The following KIRREL3 variants were observed in gnomAD, a reference collection of about 807,000 sequenced individuals.
The protein encoded by KIRREL3 is kin of IRRE-like protein 3.
A neutral mutation model predicts 89.7 loss-of-function variants in KIRREL3; 36 were observed. The ratio of observed to expected loss-of-function variants is 0.40; its 90% CI spans 0.31 to 0.53. KIRREL3 has a LOEUF of 0.53. Ranked by LOEUF, KIRREL3 falls within the 20% of genes least tolerant of loss-of-function variation. The probability of loss-of-function intolerance (pLI) is 0.49; values close to 1 mark genes in which losing one functional copy is unlikely to be tolerated. For synonymous variants in KIRREL3, 445 were observed against 441.4 expected, an observed-to-expected ratio of 1.01 and a Z score of -0.10; for missense variants, 864 against 1,056.6, an observed-to-expected ratio of 0.82 and a Z score of 2.53.
Position 126,883,185 on chromosome 11 carries a change from C to T in KIRREL3, c.55+117270G>A, listed in dbSNP as rs115009373. On this transcript the variant is annotated intron_variant, in intron 1 of 16. Coordinates refer to ENST00000525144, the MANE Select transcript of KIRREL3 (RefSeq NM_032531.4). This position sits in a 1 kb window ranked among gnomAD's most constrained non-coding sequence, Gnocchi z 4.1. ...AATCTGGAGCCTAACTCCTTGGCAGCTGAGCAGGAGACAGGAGGATCATCA... is the reference window on the plus strand; with the variant it reads ...AATCTGGAGCCTAACTCCTTGGCAGTTGAGCAGGAGACAGGAGGATCATCA... Among the ~76,000 whole-genome samples the T allele has an allele frequency of 2.0e-3, 305 of 152,260 alleles. 2 individuals carry two copies. The highest frequency in any genetic ancestry group is 6.9e-3 in the African/African-American group (286 of 41,560).
At chr11:127,003,153 T>C (rs1209022978), upstream of KIRREL3, 2 of 150,546 alleles carry the variant, frequency 1.3e-5, no homozygotes, top group African/African-American at 4.9e-5. Flanking sequence ...AGTGATGAGC[T>C]GCCCGCCTCT....
Position 126,719,468 on chromosome 11 carries a change from G to C in KIRREL3, c.56-156556C>G, listed in dbSNP as rs2134165958. On this transcript the variant is annotated intron_variant, in intron 1 of 16. Coordinates refer to ENST00000525144, the MANE Select transcript of KIRREL3 (RefSeq NM_032531.4). This position sits in a 1 kb window ranked among gnomAD's most constrained non-coding sequence, Gnocchi z 4.7. ...CCGAGCTGTCTACATTCACTGCCTAGGTGATCTTACTTAGTCCCATGGCTT... is the reference window on the plus strand; with the variant it reads ...CCGAGCTGTCTACATTCACTGCCTACGTGATCTTACTTAGTCCCATGGCTT... Among the ~76,000 whole-genome samples the C allele has an allele frequency of 6.6e-6, 1 of 152,270 alleles. No homozygotes were observed. The highest frequency in any genetic ancestry group is 1.9e-4 in the East Asian group (1 of 5,180).
chr11:126,793,072 T>C (rs1321895760), intron 1 of KIRREL3, among the ~76,000 whole-genome samples: 1 of 152,168 alleles, frequency 6.6e-6, no homozygotes, highest in Non-Finnish European at 1.5e-5. Flanking sequence ...GTGTTCACTA[T>C]CTCACATGTG....
Position 126,782,406 on chromosome 11 carries a change from G to C in KIRREL3, c.55+218049C>G, listed in dbSNP as rs1950354773. 6.6e-6 allele frequency among the ~76,000 whole-genome samples: 1 copy of C among 152,218 alleles called. No homozygotes were observed. The highest frequency in any genetic ancestry group is 2.1e-4 in the South Asian group (1 of 4,834). ...TAACTGATAGCAGTTCCCTTTGTGA[G>C]ACTAGGTTTGGGTATTAGAGAAGAC... On this transcript the variant is annotated intron_variant, in intron 1 of 16. Transcript: ENST00000525144. This position sits in a 1 kb window ranked among gnomAD's most constrained non-coding sequence, Gnocchi z 4.1.
At chr11:126,938,412 T>C (rs1948296964) in intron 1 of KIRREL3, among the ~76,000 whole-genome samples, 1 of 152,194 alleles carries the variant, frequency 6.6e-6, no homozygotes, top group Non-Finnish European at 1.5e-5. Context: ...ATCTCTATTT[T>C]ATGGATGAGC....
chr11:126,436,553 A>T (rs564155952), intron 12 of KIRREL3, among the ~76,000 whole-genome samples: 168 of 152,358 alleles, frequency 1.1e-3, no homozygotes, highest in Middle Eastern at 3.4e-3. Flanking sequence ...CCACTGAAGC[A>T]TCGCCCTCAA....
chr11:126,634,123 T>C (rs1944166095), intron 1 of KIRREL3, among the ~76,000 whole-genome samples: 1 of 152,156 alleles, frequency 6.6e-6, no homozygotes, highest in Non-Finnish European at 1.5e-5. Context: ...TTTTCTGGGG[T>C]GATCCAGTGT....
rs374193099 is a variant in KIRREL3 at position 126,456,305 on chromosome 11, G to A, written c.848+44C>T. On this transcript the variant is annotated intron_variant, in intron 7 of 16. Transcript: ENST00000525144. ...CATCCCACGTGAGAGGCACGGGGGT[G>A]GGGGCCAGTGGCCAGGCCGGGCCCC... is the stretch of plus-strand genomic sequence containing the variant. The A allele has an allele frequency of 2.3e-5, 31 of 1,341,672 alleles. No individual in the cohort carries two copies. The African/African-American group carries it at 3.2e-4, about 14-fold the overall frequency. 83.1% of individuals were successfully genotyped at this position (1,341,672 alleles called of 1,614,324 possible).
At position 126,682,136 on chromosome 11, in the gene KIRREL3, G is replaced by A; in HGVS notation, c.56-119224C>T. 1 of 332,730 alleles carries A rather than the reference G, an allele frequency of 3.0e-6. No homozygotes were observed. The allele number at this position is 332,730 out of a possible 1,614,324, so 20.6% of individuals were successfully genotyped here. ...AAAAGGTCATATTTAGGACCTGGGT[G>A]AAGGAAGAGTGGGCATCACAGAGCT... On this transcript the variant is annotated intron_variant, in intron 1 of 16. Coordinates refer to ENST00000525144, the MANE Select transcript of KIRREL3 (RefSeq NM_032531.4). This position sits in a 1 kb window ranked among gnomAD's most constrained non-coding sequence, Gnocchi z 4.8.
At chr11:126,743,055 G>T (rs1015882784) in intron 1 of KIRREL3, among the ~76,000 whole-genome samples, 3 of 152,208 alleles carry the variant, frequency 2.0e-5, no homozygotes, top group Non-Finnish European at 4.4e-5. Context: ...ACCAATTTAA[G>T]ATTCCCTTAG....
At position 126,750,595 on chromosome 11, in the gene KIRREL3, G is replaced by A. The variant is rs1949302864; in HGVS notation, c.56-187683C>T. 6.6e-6 allele frequency among the ~76,000 whole-genome samples: 1 copy of A among 152,342 alleles called. No individual in the cohort carries two copies. Among genetic ancestry groups the A allele is most frequent in the African/African-American group, 2.4e-5 (1 of 41,576 alleles). ...TGTGGCTAGTGGTAAAGCTTCTACA[G>A]AACTGTTTAGTGGGAAAGAATCAAC... On this transcript the variant is annotated intron_variant, in intron 1 of 16. Coordinates refer to ENST00000525144, the MANE Select transcript of KIRREL3 (RefSeq NM_032531.4). The surrounding 1 kb of genome is among the most constrained non-coding windows in gnomAD (Gnocchi z 4.2).
At position 126,535,316 on chromosome 11, in the gene KIRREL3, C is replaced by T. The variant is rs969077377; in HGVS notation, c.134-8629G>A. On this transcript the variant is annotated intron_variant, in intron 2 of 16. Coordinates refer to ENST00000525144, the MANE Select transcript of KIRREL3 (RefSeq NM_032531.4). The surrounding 1 kb of genome is among the most constrained non-coding windows in gnomAD (Gnocchi z 4.5). ...TCATCTTAATCTCTTTTCTGGGACT[C>T]GCAGCACACATTATCACGGAATGAA... 4.6e-5 allele frequency among the ~76,000 whole-genome samples: 7 copies of T among 152,272 alleles called. No homozygotes were observed. In the East Asian group the frequency reaches 9.6e-4, roughly 21 times the overall value.
intron 1 of KIRREL3, among the ~76,000 whole-genome samples, chr11:126,823,044 A>T (rs1943281802): frequency 6.6e-6 from 1 of 152,148 alleles, no homozygotes; most frequent in Non-Finnish European, 1.5e-5. Flanking sequence ...TACTCGCTGG[A>T]GTATTTAATA....
intron 4 of KIRREL3, among the ~76,000 whole-genome samples, chr11:126,504,137 A>C (rs965150134): frequency 2.0e-5 from 3 of 152,134 alleles, no homozygotes; most frequent in Non-Finnish European, 2.9e-5. Flanking sequence ...TGTAGGGATA[A>C]AAGGCCCCAC....
At position 126,486,000 on chromosome 11, in the gene KIRREL3, T is replaced by C. The variant is rs1281908581; in HGVS notation, c.434-12534A>G. The stretch of plus-strand genomic sequence containing the variant: ...GGTTCGCTCCTTAAATTAGGAAGGG[T>C]GAATGTCCTGTTTATATTTGGTTAA... On this transcript the variant is annotated intron_variant, in intron 4 of 16. Coordinates refer to ENST00000525144, the MANE Select transcript of KIRREL3 (RefSeq NM_032531.4). This position sits in a 1 kb window ranked among gnomAD's most constrained non-coding sequence, Gnocchi z 5.8. Among the ~76,000 whole-genome samples the C allele has an allele frequency of 6.6e-6, 1 of 152,090 alleles. No individual in the cohort carries two copies. Among genetic ancestry groups the C allele is most frequent in the African/African-American group, 2.4e-5 (1 of 41,406 alleles).
chr11:126,526,348 C>G lies in KIRREL3; in HGVS notation c.283+190G>C, dbSNP rs1817983095. Among the ~76,000 whole-genome samples, 1 of 152,210 alleles carries G rather than the reference C, an allele frequency of 6.6e-6. No homozygotes were observed. Among genetic ancestry groups the G allele is most frequent in the South Asian group, 2.1e-4 (1 of 4,834 alleles). ...TTTGCTTATGGTTCATTATGCACAT[C>G]AGGGGCCCTCAGAGTCTAGGGATGC... is the stretch of plus-strand genomic sequence containing the variant. On this transcript the variant is annotated intron_variant, in intron 3 of 16. Transcript: ENST00000525144. This position sits in a 1 kb window ranked among gnomAD's most constrained non-coding sequence, Gnocchi z 5.7.
rs563925883 is a variant in KIRREL3 at position 126,430,490 on chromosome 11, T to G, written c.1696+929A>C. Among the ~76,000 whole-genome samples, 117 of 152,250 alleles carry G rather than the reference T, an allele frequency of 7.7e-4. No individual in the cohort carries two copies. Among genetic ancestry groups the G allele is most frequent in the African/African-American group, 2.7e-3 (114 of 41,528 alleles). On this transcript the variant is annotated intron_variant, in intron 14 of 16. Coordinates refer to ENST00000525144, the MANE Select transcript of KIRREL3 (RefSeq NM_032531.4). This position sits in a 1 kb window ranked among gnomAD's most constrained non-coding sequence, Gnocchi z 6.6. Reference sequence around the variant, plus strand: ...GTGTATATATGCGTATGTGTATATATTTGTATGCTTCCCTATAATTTCCAC... The same window carrying G: ...GTGTATATATGCGTATGTGTATATAGTTGTATGCTTCCCTATAATTTCCAC...
chr11:126,629,694 GA>G (rs1313726640), intron 1 of KIRREL3, among the ~76,000 whole-genome samples: 1 of 152,186 alleles, frequency 6.6e-6, no homozygotes, highest in Non-Finnish European at 1.5e-5. Flanking sequence ...GACATGGGCG[GA>G]AATAGGAAAA....
rs1332336943 is a variant in KIRREL3, at chr11:126,909,436, C to T, written c.55+91019G>A. 1.3e-5 allele frequency among the ~76,000 whole-genome samples: 2 copies of T among 152,220 alleles called. No individual in the cohort carries two copies. The highest frequency in any genetic ancestry group is 4.8e-5 in the African/African-American group (2 of 41,458). On this transcript the variant is annotated intron_variant, in intron 1 of 16. Transcript: ENST00000525144. This position sits in a 1 kb window ranked among gnomAD's most constrained non-coding sequence, Gnocchi z 4.5. ...CGGTGCCCAGCTCCCAGCATACCCACAGAGTGAGAGCCATGCCTATTCCTT... is the reference window on the plus strand; with the variant it reads ...CGGTGCCCAGCTCCCAGCATACCCATAGAGTGAGAGCCATGCCTATTCCTT...
Sources: allele counts gnomAD v4.1 joint callset (sites outside exome capture counted in the v4.1 genomes callset), GRCh38; gene constraint gnomAD v4.1.1; non-coding constraint Gnocchi (gnomAD v3.1); transcripts MANE v1.5; gene names NCBI Gene and HGNC (gene_info 2026-07-23, HGNC 2026-07-21).